Variants in HS3ST2 observed in about 807,000 individuals in gnomAD.
HS3ST2 encodes the protein heparan sulfate-glucosamine 3-sulfotransferase 2.
In HS3ST2, 17 loss-of-function variants were observed where a neutral mutation model predicts 26.3. The ratio of observed to expected loss-of-function variants is 0.65; its 90% CI spans 0.44 to 0.97. The LOEUF is 0.97. HS3ST2 is among the 50% of genes least tolerant of loss of function. HS3ST2 has a pLI of 0.00. For missense variants in HS3ST2, 402 were observed against 501.2 expected, an observed-to-expected ratio of 0.80 and a Z score of 1.89; for synonymous variants, 237 against 219.2, an observed-to-expected ratio of 1.08 and a Z score of -0.72.
At chr16:22,826,018 C>T (rs1404651127) in intron 1 of HS3ST2, among the ~76,000 whole-genome samples, 3 of 152,056 alleles carry the variant, frequency 2.0e-5, no homozygotes, top group Non-Finnish European at 2.9e-5. Context: ...AGCAAAACTC[C>T]ATCTCAGGAA....
At chr16:22,877,495 G>A (rs79348963) in intron 1 of HS3ST2, among the ~76,000 whole-genome samples, 8,519 of 152,272 alleles carry the variant, frequency 0.056, 300 homozygotes, top group Middle Eastern at 0.075. Context: ...ACTGCAGAGT[G>A]GAGGATGCAT....
chr16:22,853,308 T>G (rs1274206902), intron 1 of HS3ST2, among the ~76,000 whole-genome samples: 2 of 152,360 alleles, frequency 1.3e-5, no homozygotes, highest in Middle Eastern at 3.4e-3. Context: ...TTACAAGATA[T>G]GCACATTGGT....
In HS3ST2 at chr16:22,864,488, G is replaced by A. The variant is rs542286220; in HGVS notation, c.485+49393G>A. 1.4e-3 allele frequency among the ~76,000 whole-genome samples: 218 copies of A among 152,262 alleles called. 1 individual carries two copies. Among genetic ancestry groups the A allele is most frequent in the African/African-American group, 5.1e-3 (211 of 41,550 alleles). On this transcript the variant is annotated intron_variant, in intron 1 of 1. Coordinates refer to ENST00000261374, the MANE Select transcript of HS3ST2 (RefSeq NM_006043.2). ...AAATTCCCAGGAGAGACTGTTTGAT[G>A]TAGCTTGAGCCAAGTGTGTGTAGCT... is the stretch of plus-strand genomic sequence containing the variant.
intron 1 of HS3ST2, among the ~76,000 whole-genome samples, chr16:22,880,940 C>T (rs940348440): frequency 1.3e-5 from 2 of 152,142 alleles, no homozygotes; most frequent in African/African-American, 4.8e-5. Context: ...TACAGAGAGC[C>T]CCAGGAACGC....
chr16:22,913,220 C>G (rs73546756), intron 1 of HS3ST2, among the ~76,000 whole-genome samples: 1 of 146,794 alleles, frequency 6.8e-6, no homozygotes, highest in Non-Finnish European at 1.5e-5. Context: ...GTAGTTCTAA[C>G]GCGCAGCCAG....
At chr16:22,887,622 C>T (rs534539923) in intron 1 of HS3ST2, among the ~76,000 whole-genome samples, 5 of 152,280 alleles carry the variant, frequency 3.3e-5, no homozygotes, top group East Asian at 1.9e-4. Flanking sequence ...GTAGCAGACA[C>T]GATTGGTGCT....
intron 1 of HS3ST2, among the ~76,000 whole-genome samples, chr16:22,872,310 A>G (rs1281511753): frequency 6.6e-6 from 1 of 152,154 alleles, no homozygotes; most frequent in African/African-American, 2.4e-5. Context: ...CCCTCCTTCA[A>G]TGCATTCTGA....
At position 22,815,150 on chromosome 16, in the gene HS3ST2, A is replaced by G; in HGVS notation, c.485+55A>G. On this transcript the variant is annotated intron_variant, in intron 1 of 1. Coordinates refer to ENST00000261374, the MANE Select transcript of HS3ST2 (RefSeq NM_006043.2). ...CGGGTCTCTGATCGCTTCCATTGGGAGAGCCATCCGTCTCTTGTGTTTTCT... is the reference window on the plus strand; with the variant it reads ...CGGGTCTCTGATCGCTTCCATTGGGGGAGCCATCCGTCTCTTGTGTTTTCT... 3 of 1,594,984 alleles carry G rather than the reference A, an allele frequency of 1.9e-6. No individual in the cohort carries two copies. In the South Asian group the frequency reaches 3.4e-5, roughly 18 times the overall value.
At chr16:22,822,867 AAAAG>A (rs1309802713) in intron 1 of HS3ST2, among the ~76,000 whole-genome samples, 4 of 151,944 alleles carry the variant, frequency 2.6e-5, no homozygotes, top group Non-Finnish European at 4.4e-5. Context: ...AAAAAAAAAA[AAAAG>A]AAAGAAAGAA....
chr16:22,819,056 TTCCC>T (rs1900943363), intron 1 of HS3ST2, among the ~76,000 whole-genome samples: 1 of 20,126 alleles, frequency 5.0e-5, no homozygotes, highest in African/African-American at 2.4e-4. Context: ...CCTTCCTTCC[TTCCC>T]TCCTTCCTTC....
chr16:22,909,411 A>G (rs933132844), intron 1 of HS3ST2, among the ~76,000 whole-genome samples: 1 of 152,226 alleles, frequency 6.6e-6, no homozygotes, highest in Admixed American at 6.5e-5. Context: ...GCTGTTTGCT[A>G]GCAGCTGGAA....
At chr16:22,836,060 A>C (rs1245538703) in intron 1 of HS3ST2, among the ~76,000 whole-genome samples, 1 of 152,200 alleles carries the variant, frequency 6.6e-6, no homozygotes, top group Non-Finnish European at 1.5e-5. Context: ...ATTAAGAATA[A>C]GAGATAACAA....
intron 1 of HS3ST2, among the ~76,000 whole-genome samples, chr16:22,819,799 C>A (rs1271050314): frequency 6.6e-6 from 1 of 152,204 alleles, no homozygotes; most frequent in Non-Finnish European, 1.5e-5. Context: ...ATAAAAAGCC[C>A]AGAATAAGAT....
intron 1 of HS3ST2, among the ~76,000 whole-genome samples, chr16:22,821,647 T>C (rs1196949821): frequency 6.6e-6 from 1 of 152,174 alleles, no homozygotes; most frequent in East Asian, 1.9e-4. Flanking sequence ...TGCAGGTTAA[T>C]CCATTCGTTT....
Position 22,847,598 on chromosome 16 carries a change from C to G in HS3ST2, c.485+32503C>G, listed in dbSNP as rs143807912. On this transcript the variant is annotated intron_variant, in intron 1 of 1. Transcript: ENST00000261374. ...AGATATATGTTTCCTCATGGATTGCCTATAGGAGAGGGGAATGGAAGAGAA... is the reference window on the plus strand; with the variant it reads ...AGATATATGTTTCCTCATGGATTGCGTATAGGAGAGGGGAATGGAAGAGAA... Among the ~76,000 whole-genome samples, 438 of 151,454 alleles carry G rather than the reference C, an allele frequency of 2.9e-3. 3 individuals carry two copies. The highest frequency in any genetic ancestry group is 0.01 in the African/African-American group (415 of 41,264).
chr16:22,850,146 A>G (rs955817676), intron 1 of HS3ST2, among the ~76,000 whole-genome samples: 1 of 152,152 alleles, frequency 6.6e-6, no homozygotes, highest in Non-Finnish European at 1.5e-5. Context: ...TGTATTTGCT[A>G]TTAATACAAT....
chr16:22,900,465 G>A (rs1470315535), intron 1 of HS3ST2, among the ~76,000 whole-genome samples: 1 of 152,178 alleles, frequency 6.6e-6, no homozygotes, highest in African/African-American at 2.4e-5. Context: ...GATCATGAGT[G>A]AAGAGAGCTG....
chr16:22,898,837 C>A (rs1902242935), intron 1 of HS3ST2, among the ~76,000 whole-genome samples: 1 of 152,192 alleles, frequency 6.6e-6, no homozygotes, highest in African/African-American at 2.4e-5. Flanking sequence ...GATGAGAAAA[C>A]CAACTCCTGC....
chr16:22,894,361 C>T (rs1413116675), intron 1 of HS3ST2, among the ~76,000 whole-genome samples: 2 of 152,174 alleles, frequency 1.3e-5, no homozygotes, highest in Non-Finnish European at 2.9e-5. Flanking sequence ...TGCAGGGCAG[C>T]GGCCTGGCTG....
Sources: gnomAD v4.1 joint callset for allele counts (sites outside exome capture counted in the v4.1 genomes callset) on GRCh38, gnomAD v4.1.1 for gene constraint, MANE v1.5 for transcripts, NCBI Gene and HGNC (gene_info 2026-07-23, HGNC 2026-07-21) for gene names.